Variants in NRXN1 observed in about 807,000 individuals in gnomAD.
NRXN1 encodes the protein neurexin 1.
NRXN1 carries 39 observed loss-of-function variants against 150.9 expected under a neutral mutation model. The ratio of observed to expected loss-of-function variants is 0.26; its 90% CI spans 0.20 to 0.34. NRXN1 has a LOEUF of 0.34. NRXN1 is among the 10% of genes least tolerant of loss of function. The probability of loss-of-function intolerance (pLI) is 1.00; values close to 1 mark genes in which losing one functional copy is unlikely to be tolerated. For missense variants in NRXN1, 1,815 were observed against 1,949.9 expected (o/e 0.93, Z 1.30); for synonymous variants, 924 against 757.0 (o/e 1.22, Z -3.62).
intron 11 of NRXN1, among the ~76,000 whole-genome samples, chr2:50,529,282 C>A (rs887129944): frequency 1.3e-5 from 2 of 152,154 alleles, no homozygotes; most frequent in African/African-American, 4.8e-5. Flanking sequence ...TTTAGAAACT[C>A]CAGTGGCTAA....
At chr2:50,519,966 A>G (rs2092740159) in intron 12 of NRXN1, among the ~76,000 whole-genome samples, 1 of 151,988 alleles carries the variant, frequency 6.6e-6, no homozygotes, top group Non-Finnish European at 1.5e-5. Flanking sequence ...TTTTAATCAA[A>G]GACAGGACAT....
intron 5 of NRXN1, among the ~76,000 whole-genome samples, chr2:50,853,328 T>C (rs1674784165): frequency 6.6e-6 from 1 of 152,090 alleles, no homozygotes; most frequent in Non-Finnish European, 1.5e-5. Context: ...CTATAATTGC[T>C]CAGAGAGAAA....
chr2:50,899,893 ATG>A (rs1682651714), intron 5 of NRXN1, among the ~76,000 whole-genome samples: 1 of 152,200 alleles, frequency 6.6e-6, no homozygotes, highest in South Asian at 2.1e-4. Flanking sequence ...GAATTTTTGA[ATG>A]TGAATTACAG....
chr2:50,047,248 C>T (rs1433432029), intron 21 of NRXN1, among the ~76,000 whole-genome samples: 1 of 151,872 alleles, frequency 6.6e-6, no homozygotes, highest in African/African-American at 2.4e-5. Flanking sequence ...CTTTTCTATG[C>T]CTCAATTTCC....
At chr2:50,013,439 G>C (rs1248867133) in intron 21 of NRXN1, among the ~76,000 whole-genome samples, 1 of 151,918 alleles carries the variant, frequency 6.6e-6, no homozygotes, top group Non-Finnish European at 1.5e-5. Context: ...TGTTGGCCTG[G>C]TACCCAGAGT....
At chr2:50,781,139 G>T (rs1380853866) in intron 5 of NRXN1, among the ~76,000 whole-genome samples, 1 of 152,114 alleles carries the variant, frequency 6.6e-6, no homozygotes, top group Non-Finnish European at 1.5e-5. Flanking sequence ...TTTTCCTCAA[G>T]GAAATGCAAA....
intron 5 of NRXN1, among the ~76,000 whole-genome samples, chr2:50,820,128 T>C (rs1475253437): frequency 1.3e-5 from 2 of 150,468 alleles, no homozygotes; most frequent in Non-Finnish European, 3.0e-5. Flanking sequence ...GGGATGGGGA[T>C]ATGAAAAAAA....
chr2:50,592,049 C>A (rs1332086653), intron 8 of NRXN1, among the ~76,000 whole-genome samples: 2 of 152,194 alleles, frequency 1.3e-5, no homozygotes, highest in Non-Finnish European at 2.9e-5. Flanking sequence ...ATAAGAATAA[C>A]CTCTACAGCT....
chr2:50,093,241 T>C (rs1191502221), intron 18 of NRXN1, among the ~76,000 whole-genome samples: 1 of 152,128 alleles, frequency 6.6e-6, no homozygotes, highest in Non-Finnish European at 1.5e-5. Flanking sequence ...CAATGACATG[T>C]ATTTAAAAGT....
chr2:51,003,181 G>A (rs549649147), intron 2 of NRXN1, among the ~76,000 whole-genome samples: 1 of 151,972 alleles, frequency 6.6e-6, no homozygotes, highest in South Asian at 2.1e-4. Context: ...AGTCTTGGAG[G>A]AACTACTGAT....
chr2:50,653,467 T>C (rs1409210342), intron 5 of NRXN1, among the ~76,000 whole-genome samples: 1 of 152,088 alleles, frequency 6.6e-6, no homozygotes, highest in Non-Finnish European at 1.5e-5. Context: ...TATATACTTC[T>C]AGTTTAGGTT....
chr2:50,961,987 T>TTAAAAAAA lies in NRXN1; in HGVS notation c.773-36033_773-36032insTTTTTTTA, dbSNP rs1558496965. On this transcript the variant is annotated intron_variant, in intron 2 of 22. Coordinates refer to ENST00000401669, the MANE Select transcript of NRXN1 (RefSeq NM_001330078.2). ...GTTAAAAAAAAAAGAAGAAGAAAAA[T>TTAAAAAAA]TTAAATAAAAAACTAAAGGCAATAT... Among the ~76,000 whole-genome samples the TTAAAAAAA allele has an allele frequency of 2.7e-5, 4 of 150,826 alleles. 1 individual carries two copies. Among genetic ancestry groups the TTAAAAAAA allele is most frequent in the African/African-American group, 9.7e-5 (4 of 41,178 alleles).
chr2:50,371,153 C>A, intron 17 of NRXN1, among the ~76,000 whole-genome samples: 1 of 151,986 alleles, frequency 6.6e-6, no homozygotes, highest in East Asian at 1.9e-4. Context: ...TGGACTCACC[C>A]TGGTGCCCAA....
chr2:50,759,515 C>A (rs572848162), intron 5 of NRXN1, among the ~76,000 whole-genome samples: 1 of 151,806 alleles, frequency 6.6e-6, no homozygotes, highest in Non-Finnish European at 1.5e-5. Context: ...ACTCTTAGAT[C>A]TAAAAGACAG....
At chr2:50,324,197 T>G (rs938914363) in intron 17 of NRXN1, among the ~76,000 whole-genome samples, 1 of 152,152 alleles carries the variant, frequency 6.6e-6, no homozygotes, top group Non-Finnish European at 1.5e-5. Context: ...TGAAATGTTC[T>G]CCACAGAGGT....
intron 17 of NRXN1, among the ~76,000 whole-genome samples, chr2:50,299,594 T>C (rs556781748): frequency 6.6e-6 from 1 of 152,322 alleles, no homozygotes; most frequent in African/African-American, 2.4e-5. Context: ...AGGAAATAAA[T>C]CATATTAAGT....
At chr2:50,394,246 A>C (rs1224083986) in intron 17 of NRXN1, among the ~76,000 whole-genome samples, 1 of 152,054 alleles carries the variant, frequency 6.6e-6, no homozygotes, top group Non-Finnish European at 1.5e-5. Context: ...ATCTCCAGCC[A>C]CAACTCTCCC....
intron 5 of NRXN1, among the ~76,000 whole-genome samples, chr2:50,657,949 T>A (rs535455801): frequency 1.3e-5 from 2 of 152,054 alleles, no homozygotes; most frequent in East Asian, 3.9e-4. Flanking sequence ...TGCAGCCACA[T>A]CTCCCAGAAC....
chr2:50,737,621 T>C (rs1698925332), intron 5 of NRXN1, among the ~76,000 whole-genome samples: 1 of 152,034 alleles, frequency 6.6e-6, no homozygotes. Context: ...AGGTCATGAA[T>C]TTTTTTTAAT....
Sources: gnomAD v4.1 joint callset for allele counts (sites outside exome capture counted in the v4.1 genomes callset) on GRCh38, gnomAD v4.1.1 for gene constraint, MANE v1.5 for transcripts, NCBI Gene and HGNC (gene_info 2026-07-23, HGNC 2026-07-21) for gene names.